TOX3: variants seen among roughly 807,000 people sequenced by gnomAD.
TOX3 encodes the protein TOX high mobility group box family member 3, also known as CAG trinucleotide repeat-containing gene F9 protein.
In TOX3, 22 loss-of-function variants were observed where a neutral mutation model predicts 64.3. The observed-to-expected ratio is 0.34, with a 90% CI of 0.24 to 0.49. The LOEUF (loss-of-function observed/expected upper bound fraction) is 0.49. Among genes scored for constraint, TOX3 ranks in the 20% least tolerant of loss-of-function variants. The probability of loss-of-function intolerance (pLI) is 0.99; values close to 1 mark genes in which losing one functional copy is unlikely to be tolerated. For synonymous variants in TOX3, 291 were observed against 273.6 expected (o/e 1.06, Z -0.63); for missense variants, 661 against 714.4 (o/e 0.93, Z 0.85).
intron 1 of TOX3, among the ~76,000 whole-genome samples, chr16:52,512,786 G>T (rs1962345412): frequency 6.6e-6 from 1 of 151,934 alleles, no homozygotes; most frequent in African/African-American, 2.4e-5. Context: ...CAATGGAAAA[G>T]CTCTGAGTTA....
intron 1 of TOX3, among the ~76,000 whole-genome samples, chr16:52,533,845 G>A (rs1041328113): frequency 1.3e-5 from 2 of 152,172 alleles, no homozygotes; most frequent in African/African-American, 4.8e-5. Flanking sequence ...CAAGAGACAG[G>A]AAAGATGGGA....
intron 1 of TOX3, among the ~76,000 whole-genome samples, chr16:52,517,915 G>C (rs977467407): frequency 2.6e-4 from 40 of 152,170 alleles, no homozygotes; most frequent in African/African-American, 9.2e-4. Context: ...TTACCAACAG[G>C]ATAATATAAG....
intron 1 of TOX3, among the ~76,000 whole-genome samples, chr16:52,514,839 G>A (rs1251554718): frequency 5.9e-5 from 9 of 151,612 alleles, no homozygotes; most frequent in East Asian, 1.9e-4. Flanking sequence ...GTGAAACCTC[G>A]TCTCTACCAC....
At chr16:52,478,160 A>T (rs1961270749) in intron 1 of TOX3, among the ~76,000 whole-genome samples, 1 of 152,202 alleles carries the variant, frequency 6.6e-6, no homozygotes, top group South Asian at 2.1e-4. Context: ...TGGCTTCCCA[A>T]AGACACTTAG....
intron 3 of TOX3, among the ~76,000 whole-genome samples, chr16:52,461,358 T>A (rs1389446130): frequency 2.6e-5 from 4 of 152,192 alleles, no homozygotes; most frequent in Non-Finnish European, 5.9e-5. Context: ...CGCTTTTGAA[T>A]ACTGGGGCAT....
intron 1 of TOX3, among the ~76,000 whole-genome samples, chr16:52,498,138 C>T (rs899168384): frequency 2.6e-5 from 4 of 152,256 alleles, no homozygotes; most frequent in Non-Finnish European, 1.5e-5. Context: ...ATGACATTCA[C>T]GCTGCCTCTC....
At position 52,546,374 on chromosome 16, in the gene TOX3, G is replaced by T. The variant is rs527436246; in HGVS notation, c.87+263C>A. Among the ~76,000 whole-genome samples the T allele has an allele frequency of 3.3e-5, 5 of 151,468 alleles. No individual in the cohort carries two copies. The East Asian group carries it at 9.8e-4, about 30-fold the overall frequency. On this transcript the variant is annotated intron_variant, in intron 1 of 6. Transcript: ENST00000219746. ...GTCCTCGGGCTCTCTTCGCTTTTTGGGGGCAGCAAAGGAGAGTCTGGCGGG... is the reference window on the plus strand; with the variant it reads ...GTCCTCGGGCTCTCTTCGCTTTTTGTGGGCAGCAAAGGAGAGTCTGGCGGG...
chr16:52,444,270 G>C lies in TOX3; in HGVS notation c.987+6C>G, dbSNP rs770865699. Reference sequence around the variant, plus strand: ...TTGGAGCCTGGCCGCCCCTGCCCAGGTTTACCTTAGAAACGAGGCTGGCCC... The same window carrying C: ...TTGGAGCCTGGCCGCCCCTGCCCAGCTTTACCTTAGAAACGAGGCTGGCCC... On this transcript the variant is annotated splice_donor_region_variant and intron_variant, in intron 6 of 6. Transcript: ENST00000219746. 1.4e-5 allele frequency: 22 copies of C among 1,563,530 alleles called. No homozygotes were observed. Among genetic ancestry groups the C allele is most frequent in the Non-Finnish European group, 1.9e-5 (22 of 1,149,862 alleles).
At chr16:52,545,829 G>C (rs546179760) in intron 1 of TOX3, among the ~76,000 whole-genome samples, 1 of 152,238 alleles carries the variant, frequency 6.6e-6, no homozygotes, top group Non-Finnish European at 1.5e-5. Flanking sequence ...CGCCCGCCTC[G>C]CTGCTCCGAG....
At chr16:52,499,919 G>A (rs993340714) in intron 1 of TOX3, among the ~76,000 whole-genome samples, 2 of 152,224 alleles carry the variant, frequency 1.3e-5, no homozygotes, top group African/African-American at 4.8e-5. Flanking sequence ...GAGAAGAGCA[G>A]AAAACCATGA....
At chr16:52,491,857 A>G (rs1374228290) in intron 1 of TOX3, among the ~76,000 whole-genome samples, 1 of 152,148 alleles carries the variant, frequency 6.6e-6, no homozygotes, top group Non-Finnish European at 1.5e-5. Context: ...AGAAGATGAC[A>G]CGCCAGTATG....
chr16:52,465,164 G>A (rs1011650803), intron 2 of TOX3, among the ~76,000 whole-genome samples: 1 of 151,480 alleles, frequency 6.6e-6, no homozygotes, highest in Non-Finnish European at 1.5e-5. Context: ...ACAGGCGCCC[G>A]CCACCATACA....
chr16:52,492,602 T>C (rs1315291701), intron 1 of TOX3, among the ~76,000 whole-genome samples: 1 of 141,310 alleles, frequency 7.1e-6, no homozygotes, highest in Non-Finnish European at 1.5e-5. Context: ...TATTCCTTAA[T>C]TTTTTCCTTT....
At chr16:52,526,343 C>T (rs1027383623) in intron 1 of TOX3, among the ~76,000 whole-genome samples, 3 of 152,202 alleles carry the variant, frequency 2.0e-5, no homozygotes, top group African/African-American at 7.2e-5. Flanking sequence ...AGCAGACTTA[C>T]ATACATAATG....
At chr16:52,440,304 T>C (rs764913636) in intron 6 of TOX3, among the ~76,000 whole-genome samples, 15 of 152,150 alleles carry the variant, frequency 9.9e-5, no homozygotes, top group Admixed American at 2.0e-4. Flanking sequence ...CAAGAGTCAG[T>C]TCACTGCCAG....
intron 1 of TOX3, chr16:52,519,382 C>A (rs1962538053): frequency 6.5e-7 from 1 of 1,549,594 alleles, no homozygotes; most frequent in Non-Finnish European, 8.7e-7. Context: ...CCATTAGAAA[C>A]CTCACCAGAA....
At chr16:52,492,601 A>AT (rs1417441269) in intron 1 of TOX3, among the ~76,000 whole-genome samples, 4 of 132,770 alleles carry the variant, frequency 3.0e-5, no homozygotes, top group African/African-American at 5.7e-5. Context: ...ATATTCCTTA[A>AT]TTTTTTCCTT....
chr16:52,483,219 T>C (rs1961413803), intron 1 of TOX3, among the ~76,000 whole-genome samples: 1 of 152,170 alleles, frequency 6.6e-6, no homozygotes, highest in Non-Finnish European at 1.5e-5. Context: ...TTTAATAAGA[T>C]TGTAAAGTGG....
At chr16:52,454,650 T>C (rs1960461962) in intron 3 of TOX3, among the ~76,000 whole-genome samples, 1 of 152,214 alleles carries the variant, frequency 6.6e-6, no homozygotes, top group Admixed American at 6.5e-5. Context: ...CTTTAAAAGA[T>C]GTTACCCTTG....
Sources: gnomAD v4.1 joint callset for allele counts (sites outside exome capture counted in the v4.1 genomes callset) on GRCh38, gnomAD v4.1.1 for gene constraint, MANE v1.5 for transcripts, NCBI Gene and HGNC (gene_info 2026-07-23, HGNC 2026-07-21) for gene names.